The following NUDCD3 variants were observed in gnomAD, a reference collection of about 807,000 sequenced individuals.
NUDCD3 encodes nudC domain-containing protein 3.
A neutral mutation model predicts 39.7 loss-of-function variants in NUDCD3; 13 were observed. The observed-to-expected ratio is 0.33, with a 90% CI of 0.21 to 0.52. The LOEUF (loss-of-function observed/expected upper bound fraction) is 0.52. Among genes scored for constraint, NUDCD3 ranks in the 20% least tolerant of loss-of-function variants. The pLI is 0.96. For missense variants in NUDCD3, 453 were observed against 458.1 expected, an observed-to-expected ratio of 0.99 and a Z score of 0.10; for synonymous variants, 175 against 172.4, an observed-to-expected ratio of 1.02 and a Z score of -0.12.
chr7:44,447,824 G>T (rs1799715081), intron 2 of NUDCD3, among the ~76,000 whole-genome samples: 1 of 152,146 alleles, frequency 6.6e-6, no homozygotes, highest in African/African-American at 2.4e-5. Flanking sequence ...TCAATTAGAA[G>T]GGAATAAGAA....
chr7:44,433,821 C>T (rs1330974461), intron 2 of NUDCD3, among the ~76,000 whole-genome samples: 4 of 152,180 alleles, frequency 2.6e-5, no homozygotes, highest in African/African-American at 4.8e-5. Context: ...TGGCTCCCCA[C>T]GGCCCAGGAG....
At chr7:44,477,099 C>T (rs1800387311) in intron 2 of NUDCD3, among the ~76,000 whole-genome samples, 1 of 152,184 alleles carries the variant, frequency 6.6e-6, no homozygotes, top group Non-Finnish European at 1.5e-5. Context: ...AGAGAAAGTA[C>T]TGAACAGTTT....
At chr7:44,464,226 A>G (rs1381053093) in intron 2 of NUDCD3, among the ~76,000 whole-genome samples, 3 of 147,234 alleles carry the variant, frequency 2.0e-5, no homozygotes, top group African/African-American at 7.3e-5. Flanking sequence ...AAAAAAAAAA[A>G]AAAGAAAAAG....
At chr7:44,436,551 G>T (rs1460326957) in intron 2 of NUDCD3, among the ~76,000 whole-genome samples, 29 of 152,328 alleles carry the variant, frequency 1.9e-4, no homozygotes, top group Admixed American at 1.6e-3. Flanking sequence ...AGCAAAGTGG[G>T]TCATGCTACA....
At chr7:44,424,633 AAAC>A (rs1190091071) in intron 3 of NUDCD3, among the ~76,000 whole-genome samples, 2 of 152,332 alleles carry the variant, frequency 1.3e-5, no homozygotes, top group East Asian at 3.9e-4. Context: ...AAAAGTCAGG[AAAC>A]AACAGATGCT....
intron 1 of NUDCD3, among the ~76,000 whole-genome samples, chr7:44,488,395 G>A (rs370064325): frequency 6.6e-6 from 1 of 151,060 alleles, no homozygotes; most frequent in Non-Finnish European, 1.5e-5. Context: ...TGATGGTTGA[G>A]AACCACTTCC....
intron 3 of NUDCD3, among the ~76,000 whole-genome samples, chr7:44,423,676 A>C (rs1352285531): frequency 6.6e-6 from 1 of 152,212 alleles, no homozygotes; most frequent in Non-Finnish European, 1.5e-5. Context: ...ATCCATGCTC[A>C]TGGATAGGAA....
At chr7:44,431,668 CTTTT>C (rs755819096) in intron 2 of NUDCD3, among the ~76,000 whole-genome samples, 1 of 120,836 alleles carries the variant, frequency 8.3e-6, no homozygotes, top group East Asian at 2.1e-4. Flanking sequence ...TCTCTCCTTC[CTTTT>C]TTTTTTTTTT....
chr7:44,486,785 T>C (rs1388162766), intron 1 of NUDCD3, among the ~76,000 whole-genome samples: 1 of 152,206 alleles, frequency 6.6e-6, no homozygotes, highest in Non-Finnish European at 1.5e-5. Context: ...GTCCTCACCA[T>C]GCAGCTGCCT....
At chr7:44,434,124 G>A (rs1354362047) in intron 2 of NUDCD3, among the ~76,000 whole-genome samples, 3 of 152,114 alleles carry the variant, frequency 2.0e-5, no homozygotes, top group African/African-American at 7.2e-5. Flanking sequence ...TGGTCTGCCA[G>A]GCCCACTTCC....
intron 3 of NUDCD3, among the ~76,000 whole-genome samples, chr7:44,427,267 C>T (rs998951996): frequency 1.3e-5 from 2 of 152,180 alleles, no homozygotes; most frequent in Admixed American, 1.3e-4. Flanking sequence ...CCAGGAGAGT[C>T]TATGGCTGTA....
At chr7:44,399,637 G>A (rs1798684646) in intron 4 of NUDCD3, among the ~76,000 whole-genome samples, 1 of 152,196 alleles carries the variant, frequency 6.6e-6, no homozygotes, top group Non-Finnish European at 1.5e-5. Context: ...GATAAGTGAA[G>A]ATGAAAAGCC....
intron 1 of NUDCD3, 25 bp from the exon 2 acceptor site, chr7:44,485,309 A>G (rs1800584222): frequency 1.1e-5 from 17 of 1,557,644 alleles, no homozygotes; most frequent in Non-Finnish European, 1.4e-5. Context: ...CAATCCAGCA[A>G]TCAGTTCATC....
intron 2 of NUDCD3, among the ~76,000 whole-genome samples, chr7:44,480,785 T>C (rs945387451): frequency 1.3e-5 from 2 of 151,366 alleles, no homozygotes; most frequent in East Asian, 3.9e-4. Context: ...CTACAAAAAA[T>C]ACAAAAATCA....
At chr7:44,438,010 T>C (rs544692286) in intron 2 of NUDCD3, among the ~76,000 whole-genome samples, 50 of 152,212 alleles carry the variant, frequency 3.3e-4, no homozygotes, top group Non-Finnish European at 1.3e-4. Context: ...GTGTGAAATA[T>C]ATATTTTAAA....
chr7:44,471,551 A>C (rs1800258991), intron 2 of NUDCD3, among the ~76,000 whole-genome samples: 1 of 152,202 alleles, frequency 6.6e-6, no homozygotes, highest in East Asian at 1.9e-4. Context: ...TGGCCACAAG[A>C]AAAGACACAC....
Position 44,427,615 on chromosome 7 carries a change from C to T in NUDCD3, c.598G>A (p.Glu200Lys). 1 of 1,613,566 alleles carries T rather than the reference C, an allele frequency of 6.2e-7. No homozygotes were observed. The highest frequency in any genetic ancestry group is 1.1e-5 in the South Asian group (1 of 91,016). The change falls in exon 3 of 6, where the codon GAG (glutamate) becomes AAG (lysine). Residue 200 changes from glutamate (E) to lysine (K), a missense_variant. By Grantham distance (56) the Glu-to-Lys change is moderately conservative. Transcript: ENST00000355451. ...YTWSQDYTDL[E>K]VRVPVPKHVV... ...TGCTTGGGTACTGGCACCCTGACCT[C>T]CAGGTCAGTATAGTCCTGTGACCAG...
intron 2 of NUDCD3, among the ~76,000 whole-genome samples, chr7:44,463,286 T>C (rs189207006): frequency 1.7e-3 from 258 of 152,202 alleles, no homozygotes; most frequent in Non-Finnish European, 2.9e-3. Context: ...CTAAGTGGCA[T>C]TGAACCCAGA....
intron 2 of NUDCD3, among the ~76,000 whole-genome samples, chr7:44,452,975 A>G (rs1799821690): frequency 6.6e-6 from 1 of 152,246 alleles, no homozygotes; most frequent in South Asian, 2.1e-4. Context: ...TTCTGTTCCC[A>G]GCCCAAAAAC....
Sources: gnomAD v4.1 joint callset for allele counts (sites outside exome capture counted in the v4.1 genomes callset) on GRCh38, gnomAD v4.1.1 for gene constraint, MANE v1.5 for transcripts, NCBI Gene and HGNC (gene_info 2026-07-23, HGNC 2026-07-21) for gene names.